Variants in PRKCZ observed in about 807,000 individuals in gnomAD.
PRKCZ encodes protein kinase C zeta type.
A neutral mutation model predicts 79.5 loss-of-function variants in PRKCZ; 33 were observed. The observed-to-expected ratio is 0.41, with a 90% CI of 0.31 to 0.55. The LOEUF is 0.55. PRKCZ is among the 20% of genes least tolerant of loss of function. The pLI is 0.19. For synonymous variants in PRKCZ, 342 were observed against 320.9 expected, an observed-to-expected ratio of 1.07 and a Z score of -0.70; for missense variants, 578 against 813.5, an observed-to-expected ratio of 0.71 and a Z score of 3.52.
chr1:2,169,583 A>G lies in PRKCZ; in HGVS notation c.1040A>G (p.Lys347Arg), dbSNP rs1318504555. 1 of 1,510,594 alleles carries G rather than the reference A, an allele frequency of 6.6e-7. No individual in the cohort carries two copies. The highest frequency in any genetic ancestry group is 2.0e-5 in the Admixed American group (1 of 49,452). The allele number at this position is 1,510,594 out of a possible 1,614,324, so 93.6% of individuals were successfully genotyped here. A position where few individuals can be genotyped will look rare whatever the true frequency, so the allele number is the denominator to read the frequency against. The change falls in exon 11 of 18, where the codon AAG becomes AGG. Residue 347 changes from lysine to arginine, a missense_variant. Lys to Arg is a conservative substitution (Grantham distance 26, BLOSUM62 2). This residue lies in a region of PRKCZ where 243 missense variants were observed against 467.0 expected (regional missense o/e 0.52). Transcript: ENST00000378567. ...DLMFHMQRQR[K>R]LPEEHARFYA... ...ATGTTCCACATGCAGAGGCAGAGGA[A>G]GCTCCCTGAGGAGCACGCCAGGTGG... is the stretch of plus-strand genomic sequence containing the variant.
intron 10 of PRKCZ, among the ~76,000 whole-genome samples, chr1:2,167,835 C>T (rs967198855): frequency 4.6e-5 from 7 of 152,162 alleles, no homozygotes; most frequent in Admixed American, 6.5e-5. Flanking sequence ...GAACTCCTGA[C>T]CTCAGGTGAT....
intron 4 of PRKCZ, among the ~76,000 whole-genome samples, chr1:2,119,048 A>T (rs1164883093): frequency 2.1e-5 from 2 of 96,546 alleles, no homozygotes; most frequent in Non-Finnish European, 4.0e-5. Context: ...AGATGTTTTT[A>T]TTCCACTTTC....
rs1685639178 is a variant in PRKCZ at position 2,177,074 on chromosome 1, G to T, written c.1575+1761G>T. Reference sequence around the variant, plus strand: ...AACTGTCAGTCATCCTCACGCCCAGGCCGGGGTTAGAGGTGGCGTCCCTTT... The same window carrying T: ...AACTGTCAGTCATCCTCACGCCCAGTCCGGGGTTAGAGGTGGCGTCCCTTT... On this transcript the variant is annotated intron_variant, in intron 16 of 17. Coordinates refer to ENST00000378567, the MANE Select transcript of PRKCZ (RefSeq NM_002744.6). This position sits in a 1 kb window ranked among gnomAD's most constrained non-coding sequence, Gnocchi z 6.4. Among the ~76,000 whole-genome samples, 1 of 152,194 alleles carries T rather than the reference G, an allele frequency of 6.6e-6. No individual in the cohort carries two copies. Among genetic ancestry groups the T allele is most frequent in the Non-Finnish European group, 1.5e-5 (1 of 68,030 alleles).
At chr1:2,077,538 C>T (rs1380581739) in intron 4 of PRKCZ, among the ~76,000 whole-genome samples, 1 of 152,066 alleles carries the variant, frequency 6.6e-6, no homozygotes, top group African/African-American at 2.4e-5. Context: ...GTGTTGTTGC[C>T]CTTGTTAAAT....
intron 10 of PRKCZ, among the ~76,000 whole-genome samples, chr1:2,160,238 C>CGTGT (rs56068331): frequency 0.021 from 3,110 of 146,452 alleles, 40 homozygotes; most frequent in East Asian, 0.056. Context: ...CAGCAGTGTG[C>CGTGT]GTGTGTGTGT....
chr1:2,119,330 TC>T (rs1671395879), intron 4 of PRKCZ, among the ~76,000 whole-genome samples: 1 of 150,722 alleles, frequency 6.6e-6, no homozygotes, highest in Non-Finnish European at 1.5e-5. Flanking sequence ...TTCTGCTGCC[TC>T]AGCCTCCTGA....
rs70937049 is a variant in PRKCZ, at chr1:2,055,383, T to A, written c.72-58T>A. Reference sequence around the variant, plus strand: ...TGATTTGGTTAGTTGGTAATCATTTTTTAATTTGATTCAAATATGCCCCAC... The same window carrying A: ...TGATTTGGTTAGTTGGTAATCATTTATTAATTTGATTCAAATATGCCCCAC... On this transcript the variant is annotated intron_variant, in intron 1 of 17. Transcript: ENST00000378567. 3,821 of 1,529,734 alleles carry A rather than the reference T, an allele frequency of 2.5e-3. 140 individuals carry two copies. In the East Asian group the frequency reaches 0.076, roughly 31 times the overall value. The allele number at this position is 1,529,734 out of a possible 1,614,324, so 94.8% of individuals were successfully genotyped here.
chr1:2,126,343 G>A lies in PRKCZ; in HGVS notation c.335-8919G>A, dbSNP rs139688427. On this transcript the variant is annotated intron_variant, in intron 4 of 17. Coordinates refer to ENST00000378567, the MANE Select transcript of PRKCZ (RefSeq NM_002744.6). The stretch of plus-strand genomic sequence containing the variant: ...CTGCAGGGGCTGCCCGGCTGGGGTC[G>A]TGGTCGGGGCAGGTGCCGCCCACAG... Among the ~76,000 whole-genome samples the A allele has an allele frequency of 5.6e-3, 856 of 152,290 alleles. 5 individuals carry two copies. Among genetic ancestry groups the A allele is most frequent in the Middle Eastern group, 0.014 (4 of 294 alleles).
intron 2 of PRKCZ, 146 bp from the exon 3 acceptor site, chr1:2,056,336 ACC>A: frequency 2.9e-6 from 2 of 680,564 alleles, no homozygotes; most frequent in Middle Eastern, 4.1e-4. Context: ...CCGTCCTTGG[ACC>A]TCCCGACCCT....
At position 2,171,711 on chromosome 1, in the gene PRKCZ, A is replaced by G. The variant is rs556248523; in HGVS notation, c.1062-344A>G. 81 of 234,036 alleles carry G rather than the reference A, an allele frequency of 3.5e-4. 1 individual carries two copies. In the East Asian group the frequency reaches 8.7e-3, roughly 25 times the overall value. 14.5% of individuals were successfully genotyped at this position (234,036 alleles called of 1,614,324 possible). ...GACCTGCCGGACTGTCTTCCGCAGC[A>G]GCGGCGCTGTTCTGCACTCCTACCA... On this transcript the variant is annotated intron_variant, in intron 11 of 17. Transcript: ENST00000378567.
At chr1:2,130,160 C>T (rs1211343164) in intron 4 of PRKCZ, among the ~76,000 whole-genome samples, 1 of 152,208 alleles carries the variant, frequency 6.6e-6, no homozygotes, top group Non-Finnish European at 1.5e-5. Flanking sequence ...CCTGCCTCGA[C>T]CTACCGAGGT....
intron 1 of PRKCZ, among the ~76,000 whole-genome samples, chr1:2,054,040 C>T (rs1265206083): frequency 6.6e-6 from 1 of 152,136 alleles, no homozygotes; most frequent in Non-Finnish European, 1.5e-5. Context: ...GCAGGTGGGC[C>T]CTGGGCTGCT....
intron 4 of PRKCZ, chr1:2,104,751 C>A: frequency 3.0e-6 from 3 of 985,712 alleles, no homozygotes; most frequent in Non-Finnish European, 3.6e-6. Context: ...CAGGACGCAG[C>A]GGGCTGGCCT....
At chr1:2,096,380 C>T (rs909677799) in intron 4 of PRKCZ, among the ~76,000 whole-genome samples, 1 of 151,846 alleles carries the variant, frequency 6.6e-6, no homozygotes, top group South Asian at 2.1e-4. Flanking sequence ...GCACAGGTGT[C>T]GGCATCCCAC....
At chr1:2,182,586 C>G (rs573238858) in intron 16 of PRKCZ, 1 of 154,926 alleles carries the variant, frequency 6.5e-6, no homozygotes, top group East Asian at 1.9e-4. Flanking sequence ...CTGGGCTGTT[C>G]GGCTTGGTCT....
chr1:2,089,839 AG>A (rs1433644862), intron 4 of PRKCZ, among the ~76,000 whole-genome samples: 1 of 151,996 alleles, frequency 6.6e-6, no homozygotes, highest in Admixed American at 6.6e-5. Context: ...CTGCGGTGGG[AG>A]GACCTCTTGA....
rs57743955 is a variant in PRKCZ, at chr1:2,050,574, C to T, written c.-57C>T. ...GCGGCCCCACCTGGAGCCCCCGCCC[C>T]GCGCCATGGCCGGAGCTCCCGGGGC... On this transcript the variant is annotated 5_prime_UTR_variant, in exon 1 of 18. Transcript: ENST00000378567. The T allele has an allele frequency of 0.026, 29,636 of 1,122,914 alleles. 1,014 individuals carry two copies. Among genetic ancestry groups the T allele is most frequent in the African/African-American group, 0.15 (9,094 of 61,978 alleles). The allele number at this position is 1,122,914 out of a possible 1,614,324, so 69.6% of individuals were successfully genotyped here.
rs946634655 is a variant in PRKCZ, at chr1:2,075,562, C to T, written c.334+15971C>T. Among the ~76,000 whole-genome samples, 8 of 152,204 alleles carry T rather than the reference C, an allele frequency of 5.3e-5. No individual in the cohort carries two copies. The highest frequency in any genetic ancestry group is 7.3e-5 in the Non-Finnish European group (5 of 68,030). On this transcript the variant is annotated intron_variant, in intron 4 of 17. Coordinates refer to ENST00000378567, the MANE Select transcript of PRKCZ (RefSeq NM_002744.6). The surrounding 1 kb of genome is among the most constrained non-coding windows in gnomAD (Gnocchi z 4.8). ...CCATCAGTGGGGGCCCTTCTCCGAC[C>T]GTCTTCCTAGACTTCAGAGCCACTG...
chr1:2,069,640 C>T (rs533651146), intron 4 of PRKCZ, among the ~76,000 whole-genome samples: 1 of 152,296 alleles, frequency 6.6e-6, no homozygotes, highest in East Asian at 1.9e-4. Context: ...CTGCCACTTC[C>T]CCTGGTGGGT....
Sources: gnomAD v4.1 joint callset for allele counts (sites outside exome capture counted in the v4.1 genomes callset) on GRCh38, gnomAD v4.1.1 for gene constraint, gnomAD v4.1.1 regional missense constraint, Gnocchi (gnomAD v3.1) non-coding constraint, MANE v1.5 for transcripts, NCBI Gene and HGNC (gene_info 2026-07-23, HGNC 2026-07-21) for gene names.